The following KNG1 variants were observed in gnomAD, a reference collection of about 807,000 sequenced individuals.
The protein encoded by KNG1 is kininogen-1.
A neutral mutation model predicts 47.8 loss-of-function variants in KNG1; 23 were observed. That is an observed-to-expected ratio of 0.48 (90% CI 0.35 to 0.68). KNG1 has a LOEUF of 0.68. KNG1 is among the 30% of genes least tolerant of loss of function. The pLI, the probability that KNG1 is intolerant of heterozygous loss-of-function variation, is 0.01. For synonymous variants in KNG1, 277 were observed against 277.0 expected (o/e 1.00, Z 0.00); for missense variants, 762 against 790.2 (o/e 0.96, Z 0.43).
Position 186,742,123 on chromosome 3 carries a change from T to C in KNG1, c.1727T>C (p.Ile576Thr). The C allele has an allele frequency of 1.2e-6, 2 of 1,614,150 alleles. No individual in the cohort carries two copies. Among genetic ancestry groups the C allele is most frequent in the Non-Finnish European group, 1.7e-6 (2 of 1,180,018 alleles). ...CTCATTGCAACTATGATGCCTCCTA[T>C]ATCACCAGCTCCCATACAGAGTGAT... ...SDLIATMMPPISPAPIQSDDD... is the reference protein window; with the variant it reads ...SDLIATMMPPTSPAPIQSDDD... The change falls in exon 10 of 10, where the codon ATA becomes ACA. Residue 576 changes from isoleucine to threonine, a missense_variant. Coordinates refer to ENST00000644859, the MANE Select transcript of KNG1 (RefSeq NM_001102416.3).
intron 9 of KNG1, among the ~76,000 whole-genome samples, chr3:186,740,759 C>G (rs998428019): frequency 1.1e-4 from 17 of 152,214 alleles, no homozygotes; most frequent in Admixed American, 5.2e-4. Context: ...GATACATGCT[C>G]CCTATATATT....
chr3:186,728,418 T>G (rs761043628), intron 5 of KNG1: 17 of 152,126 alleles, frequency 1.1e-4, no homozygotes, highest in Non-Finnish European at 2.2e-4. Flanking sequence ...TACAGAATGG[T>G]TAAGTAAATT....
chr3:186,732,451 G>A, intron 6 of KNG1, 51 bp from the exon 7 acceptor site: 1 of 1,567,254 alleles, frequency 6.4e-7, no homozygotes, highest in Non-Finnish European at 8.8e-7. Flanking sequence ...GGGATGCTAG[G>A]CCAGGCTGCT....
chr3:186,737,356 C>G (rs184235673), intron 7 of KNG1, among the ~76,000 whole-genome samples: 13 of 152,118 alleles, frequency 8.5e-5, no homozygotes, highest in Admixed American at 7.2e-4. Context: ...GATTCTATAT[C>G]ATAGTTTTCC....
In KNG1 at chr3:186,743,241, A is replaced by G. The variant is rs1720859983; in HGVS notation, c.*910A>G. ...GGAGCAATATAGAAGCAGGCTTGCT[A>G]ATAAAACTTTTTAAATAATTGACAA... On this transcript the variant is annotated 3_prime_UTR_variant, in exon 10 of 10. Coordinates refer to ENST00000644859, the MANE Select transcript of KNG1 (RefSeq NM_001102416.3). 5.5e-6 allele frequency: 1 copy of G among 182,090 alleles called. No homozygotes were observed. Among genetic ancestry groups the G allele is most frequent in the South Asian group, 1.2e-4 (1 of 8,394 alleles). 11.3% of individuals were successfully genotyped at this position (182,090 alleles called of 1,614,324 possible).
In KNG1 at chr3:186,744,346, A is replaced by C. The variant is rs1720886527; in HGVS notation, c.*2015A>C. ...AAATACTCAACCTCCAAACAATTTG[A>C]AATTATCTTTCTGATCCAGGTAAAG... On this transcript the variant is annotated 3_prime_UTR_variant, in exon 10 of 10. Transcript: ENST00000644859. 6.5e-6 allele frequency: 1 copy of C among 153,794 alleles called. No homozygotes were observed. Among genetic ancestry groups the C allele is most frequent in the African/African-American group, 2.4e-5 (1 of 41,478 alleles). The allele number at this position is 153,794 out of a possible 1,614,324, so 9.5% of individuals were successfully genotyped here. A position where few individuals can be genotyped will look rare whatever the true frequency, so the allele number is the denominator to read the frequency against.
chr3:186,727,717 G>A (rs997926665), intron 5 of KNG1, among the ~76,000 whole-genome samples: 5 of 151,920 alleles, frequency 3.3e-5, no homozygotes, highest in Admixed American at 6.6e-5. Flanking sequence ...GACTACAGGC[G>A]CCAACCACCA....
At chr3:186,726,447 G>A (rs1023369608) in intron 4 of KNG1, among the ~76,000 whole-genome samples, 4 of 151,692 alleles carry the variant, frequency 2.6e-5, no homozygotes, top group African/African-American at 4.8e-5. Context: ...CCACCACCAC[G>A]CCCGGCTAAT....
At chr3:186,736,622 C>T (rs1334991843) in intron 7 of KNG1, 1 of 152,248 alleles carries the variant, frequency 6.6e-6, no homozygotes, top group Non-Finnish European at 1.5e-5. Context: ...TGTGTGTGCA[C>T]ATGCAGAAAT....
At chr3:186,726,271 CTTCTTTTTTTTTTT>C (rs1720367895) in intron 4 of KNG1, among the ~76,000 whole-genome samples, 1 of 114,902 alleles carries the variant, frequency 8.7e-6, no homozygotes, top group Non-Finnish European at 1.8e-5. Context: ...CCAGACTTTT[CTTCTTTTTTTTTTT>C]TTTTTTTTTG....
intron 2 of KNG1, chr3:186,720,512 C>A: frequency 2.6e-6 from 1 of 382,452 alleles, no homozygotes; most frequent in Non-Finnish European, 4.9e-6. Context: ...TTGGGCCAAG[C>A]CAAAGAGCTG....
chr3:186,721,300 T>TG (rs1382864070), intron 2 of KNG1: 4 of 152,180 alleles, frequency 2.6e-5, no homozygotes, highest in African/African-American at 9.7e-5. Flanking sequence ...ATCTGTAAGG[T>TG]GGGGATAAGT....
intron 4 of KNG1, among the ~76,000 whole-genome samples, chr3:186,726,451 G>A (rs556384438): frequency 8.6e-5 from 13 of 151,416 alleles, no homozygotes; most frequent in South Asian, 2.1e-4. Context: ...CACCACGCCC[G>A]GCTAATTTTT....
At chr3:186,725,290 G>A (rs953235120) in intron 4 of KNG1, 30 bp downstream of exon 4, 1 of 1,600,226 alleles carries the variant, frequency 6.2e-7, no homozygotes, top group Non-Finnish European at 8.6e-7. Flanking sequence ...AAGTAGCACA[G>A]TATTACTAAA....
rs1389076686 is a variant in KNG1, at chr3:186,741,737, T to A, written c.1341T>A (p.His447Gln). ...RKHNLGHGHK[H>Q]ERDQGHGHQR... ...ATAATCTTGGCCATGGCCATAAACA[T>A]GAACGTGACCAAGGGCATGGGCACC... The change falls in exon 10 of 10, where the codon CAT becomes CAA. Residue 447 changes from histidine (H) to glutamine (Q), a missense_variant. By Grantham distance (24) the His-to-Gln change is conservative. Coordinates refer to ENST00000644859, the MANE Select transcript of KNG1 (RefSeq NM_001102416.3). The A allele has an allele frequency of 6.2e-7, 1 of 1,614,162 alleles. No homozygotes were observed. Among genetic ancestry groups the A allele is most frequent in the East Asian group, 2.2e-5 (1 of 44,876 alleles).
chr3:186,742,177 A>T lies in KNG1; in HGVS notation c.1781A>T (p.Asp594Val). 6.2e-7 allele frequency: 1 copy of T among 1,614,134 alleles called. No individual in the cohort carries two copies. The highest frequency in any genetic ancestry group is 8.5e-7 in the Non-Finnish European group (1 of 1,180,012). Residue 594 changes from aspartate to valine, a missense_variant, in exon 10 of 10, where the codon GAC (aspartate) becomes GTC (valine). By Grantham distance (152) the Asp-to-Val change is radical. Transcript: ENST00000644859. ...DDDWIPDIQI[D>V]PNGLSFNPIS... Reference sequence around the variant, plus strand: ...GATTGGATCCCTGATATCCAGATAGACCCAAATGGCCTTTCATTTAACCCA... The same window carrying T: ...GATTGGATCCCTGATATCCAGATAGTCCCAAATGGCCTTTCATTTAACCCA...
At chr3:186,719,613 C>T (rs1720127402) in intron 1 of KNG1, among the ~76,000 whole-genome samples, 1 of 151,942 alleles carries the variant, frequency 6.6e-6, no homozygotes, top group Non-Finnish European at 1.5e-5. Context: ...CCTGTAGTCC[C>T]AGCTACTCTG....
At chr3:186,727,419 G>C (rs1720405259) in intron 5 of KNG1, 75 bp downstream of exon 5, 3 of 953,326 alleles carry the variant, frequency 3.1e-6, no homozygotes, top group Non-Finnish European at 5.1e-6. Context: ...AAGCTGGGTG[G>C]GAAGACTGTC....
chr3:186,743,683 C>T lies in KNG1; in HGVS notation c.*1352C>T. On this transcript the variant is annotated 3_prime_UTR_variant, in exon 10 of 10. Transcript: ENST00000644859. ...TGATTGAATGATAACATCATATTAA[C>T]TGCGTTTTACTATACTTACAGAGTC... The T allele has an allele frequency of 6.3e-7, 1 of 1,577,882 alleles. No individual in the cohort carries two copies. Among genetic ancestry groups the T allele is most frequent in the Non-Finnish European group, 8.7e-7 (1 of 1,147,016 alleles).
Sources: gnomAD v4.1 joint callset for allele counts (sites outside exome capture counted in the v4.1 genomes callset) on GRCh38, gnomAD v4.1.1 for gene constraint, MANE v1.5 for transcripts, NCBI Gene and HGNC (gene_info 2026-07-23, HGNC 2026-07-21) for gene names.